The following TENM2 variants were observed in gnomAD, a reference collection of about 807,000 sequenced individuals.
The protein encoded by TENM2 is teneurin-2.
In TENM2, 52 loss-of-function variants were observed where a neutral mutation model predicts 245.2. That is an observed-to-expected ratio of 0.21 (90% CI 0.17 to 0.27). TENM2 has a LOEUF of 0.27. TENM2 is among the 10% of genes least tolerant of loss of function. The probability of loss-of-function intolerance (pLI) is 1.00; values close to 1 mark genes in which losing one functional copy is unlikely to be tolerated. For missense variants in TENM2, 3,046 were observed against 3,666.8 expected, an observed-to-expected ratio of 0.83 and a Z score of 4.37; for synonymous variants, 1,363 against 1,438.9, an observed-to-expected ratio of 0.95 and a Z score of 1.19.
At chr5:167,825,317 G>T (rs1208456013) in intron 2 of TENM2, among the ~76,000 whole-genome samples, 2 of 151,948 alleles carry the variant, frequency 1.3e-5, no homozygotes, top group Non-Finnish European at 2.9e-5. Context: ...TCTTGGTGGG[G>T]TTTTTTTATG....
chr5:167,549,073 A>G (rs986725648), intron 2 of TENM2, among the ~76,000 whole-genome samples: 1 of 152,110 alleles, frequency 6.6e-6, no homozygotes, highest in African/African-American at 2.4e-5. Flanking sequence ...AGAAGTATCT[A>G]TCGCAAAAAT....
At chr5:167,457,638 G>A (rs998510380) in intron 2 of TENM2, among the ~76,000 whole-genome samples, 2 of 152,204 alleles carry the variant, frequency 1.3e-5, no homozygotes, top group Non-Finnish European at 2.9e-5. Flanking sequence ...GAGCTACCAC[G>A]CCCGACCAGC....
At chr5:168,078,489 C>T (rs1242835545) in intron 7 of TENM2, among the ~76,000 whole-genome samples, 4 of 152,132 alleles carry the variant, frequency 2.6e-5, no homozygotes, top group Non-Finnish European at 4.4e-5. Flanking sequence ...GTGTTTCAGT[C>T]GTGAAGCCCT....
exon 13 of TENM2, chr5:168,162,703 G>A (rs368385557): frequency 2.7e-5 from 44 of 1,613,910 alleles, no homozygotes; most frequent in African/African-American, 1.6e-4. Context: ...GAGAGGGCCC[G>A]GATGCAACGT....
intron 14 of TENM2, among the ~76,000 whole-genome samples, chr5:168,191,348 T>C (rs974191292): frequency 7.2e-5 from 11 of 152,198 alleles, no homozygotes; most frequent in African/African-American, 2.7e-4. Flanking sequence ...CGTATGATTC[T>C]GAGGGTAGAG....
chr5:167,509,990 T>C (rs1041096884), intron 2 of TENM2, among the ~76,000 whole-genome samples: 2 of 152,152 alleles, frequency 1.3e-5, no homozygotes, highest in Non-Finnish European at 2.9e-5. Context: ...GTAGCTATCA[T>C]CTTATGTGGC....
intron 2 of TENM2, among the ~76,000 whole-genome samples, chr5:167,509,092 G>A (rs2127566698): frequency 6.6e-6 from 1 of 152,280 alleles, no homozygotes; most frequent in Admixed American, 6.5e-5. Flanking sequence ...TACTGGGATT[G>A]TAGGTGTGAG....
chr5:167,731,200 G>GTT (rs11398245), intron 2 of TENM2, among the ~76,000 whole-genome samples: 3,465 of 142,484 alleles, frequency 0.024, 71 homozygotes, highest in African/African-American at 0.055. Flanking sequence ...CCTCCAGACA[G>GTT]TTTTTTTTTT....
intron 2 of TENM2, among the ~76,000 whole-genome samples, chr5:167,512,439 A>C (rs1770031313): frequency 6.6e-6 from 1 of 152,136 alleles, no homozygotes; most frequent in South Asian, 2.1e-4. Flanking sequence ...GGTGCATGAC[A>C]GTGCATAATA....
intron 2 of TENM2, among the ~76,000 whole-genome samples, chr5:167,859,576 C>A (rs1583207232): frequency 6.4e-5 from 7 of 109,834 alleles, no homozygotes; most frequent in Admixed American, 8.1e-5. Context: ...AGCCCCCCGC[C>A]TGGCCAGCCG....
chr5:166,993,068 G>T, the TENM2 span, among the ~76,000 whole-genome samples: 17 of 151,800 alleles, frequency 1.1e-4, no homozygotes, highest in Admixed American at 9.9e-4. Context: ...ACTATTGTAG[G>T]CTATCTTTAG....
intron 2 of TENM2, among the ~76,000 whole-genome samples, chr5:167,628,675 C>T (rs1190421162): frequency 1.3e-5 from 2 of 152,156 alleles, no homozygotes; most frequent in African/African-American, 4.8e-5. Context: ...TGGCCTGATC[C>T]AAATCCTGCC....
chr5:167,088,144 G>T, the TENM2 span, among the ~76,000 whole-genome samples: 2 of 152,144 alleles, frequency 1.3e-5, no homozygotes, highest in East Asian at 1.9e-4. Context: ...GAACAAGCTA[G>T]TTAGCTTGGC....
chr5:167,493,962 C>T (rs1488347441), intron 2 of TENM2, among the ~76,000 whole-genome samples: 3 of 152,016 alleles, frequency 2.0e-5, no homozygotes, highest in Non-Finnish European at 4.4e-5. Flanking sequence ...TGATCGTATA[C>T]TTGGGTGATG....
intron 6 of TENM2, among the ~76,000 whole-genome samples, chr5:168,054,726 C>T (rs372317197): frequency 6.6e-6 from 1 of 152,166 alleles, no homozygotes; most frequent in Non-Finnish European, 1.5e-5. Context: ...CAACATCAGT[C>T]GTGTTTAACT....
At chr5:167,877,645 A>C (rs75528958) in intron 3 of TENM2, among the ~76,000 whole-genome samples, 30 of 152,302 alleles carry the variant, frequency 2.0e-4, no homozygotes, top group Admixed American at 3.9e-4. Flanking sequence ...ACCGCGGAAC[A>C]ATGACACTGT....
chr5:167,105,781 G>A, the TENM2 span, among the ~76,000 whole-genome samples: 3 of 147,142 alleles, frequency 2.0e-5, no homozygotes, highest in African/African-American at 7.5e-5. Flanking sequence ...CCAGCTACTT[G>A]GGAGGCTGAG....
In TENM2 at chr5:167,378,484, A is replaced by G. The variant is rs903156678; in HGVS notation, c.502+3011A>G. Among the ~76,000 whole-genome samples, 14 of 151,706 alleles carry G rather than the reference A, an allele frequency of 9.2e-5. No homozygotes were observed. The East Asian group carries it at 2.5e-3, about 27-fold the overall frequency. On this transcript the variant is annotated intron_variant, in intron 2 of 28. Coordinates refer to ENST00000518659, the Ensembl canonical transcript of TENM2. ...GCTGGCTTGGATTGGGTTGCTTCAA[A>G]TATATAAAACTCTCAGATTCATGTT...
At position 167,401,066 on chromosome 5, in the gene TENM2, G is replaced by A. The variant is rs182404758; in HGVS notation, c.502+25593G>A. The stretch of plus-strand genomic sequence containing the variant: ...TGATTTTGCCACTGCACTCCAGCTC[G>A]GGGTGACAGAGTGACACTCTGTCTC... On this transcript the variant is annotated intron_variant, in intron 2 of 28. Coordinates refer to ENST00000518659, the Ensembl canonical transcript of TENM2. Among the ~76,000 whole-genome samples, 670 of 152,060 alleles carry A rather than the reference G, an allele frequency of 4.4e-3. 2 individuals carry two copies. The highest frequency in any genetic ancestry group is 4.2e-3 in the Non-Finnish European group (288 of 67,988).
Sources: gnomAD v4.1 joint callset for allele counts (sites outside exome capture counted in the v4.1 genomes callset) on GRCh38, gnomAD v4.1.1 for gene constraint, MANE v1.5 for transcripts, NCBI Gene and HGNC (gene_info 2026-07-23, HGNC 2026-07-21) for gene names.